COL3A1: variants seen among roughly 807,000 people sequenced by gnomAD.
The protein encoded by COL3A1 is collagen alpha-1(III) chain.
In COL3A1, 46 loss-of-function variants were observed where a neutral mutation model predicts 200.9. The observed-to-expected ratio is 0.23, with a 90% CI of 0.18 to 0.29. The LOEUF (loss-of-function observed/expected upper bound fraction) is 0.29, where lower values mean the gene tolerates loss of function less well. Ranked by LOEUF, COL3A1 falls within the 10% of genes least tolerant of loss-of-function variation. The pLI is 1.00. For missense variants in COL3A1, 1,367 were observed against 1,917.6 expected (o/e 0.71, Z 5.36); for synonymous variants, 650 against 628.0 (o/e 1.03, Z -0.52).
chr2:188,977,535 C>A (rs1472529552), intron 1 of COL3A1, among the ~76,000 whole-genome samples: 1 of 152,046 alleles, frequency 6.6e-6, no homozygotes, highest in Non-Finnish European at 1.5e-5. Flanking sequence ...GAAAAGGTTA[C>A]ATACATTTAG....
intron 1 of COL3A1, among the ~76,000 whole-genome samples, chr2:188,981,818 A>C (rs1165837222): frequency 6.6e-6 from 1 of 151,646 alleles, no homozygotes; most frequent in African/African-American, 2.4e-5. Context: ...TTTCAGTAGA[A>C]TATATTGCTA....
intron 5 of COL3A1, 124 bp from the exon 6 acceptor site, chr2:188,987,957 A>G (rs1688097648): frequency 1.3e-6 from 1 of 753,774 alleles, no homozygotes; most frequent in East Asian, 2.7e-5. Context: ...GTTATCAAAA[A>G]GTTATCAAAA....
intron 32 of COL3A1, 128 bp from the exon 33 acceptor site, chr2:189,001,269 C>A: frequency 2.4e-6 from 2 of 822,856 alleles, no homozygotes; most frequent in South Asian, 1.6e-5. Flanking sequence ...AGCATTCAAG[C>A]CATAAAAATT....
chr2:188,998,448 T>A, intron 28 of COL3A1, 129 bp downstream of exon 28: 1 of 986,682 alleles, frequency 1.0e-6, no homozygotes, highest in Non-Finnish European at 1.5e-6. Context: ...TGAAATATTA[T>A]CAAAACAAAG....
At position 189,011,857 on chromosome 2, in the gene COL3A1, G is replaced by A; in HGVS notation, c.*83G>A. Reference sequence around the variant, plus strand: ...GTTCTAATCTTGTCAACCAGTGCAAGTGACCGACAAAATTCCAGTTATTTA... The same window carrying A: ...GTTCTAATCTTGTCAACCAGTGCAAATGACCGACAAAATTCCAGTTATTTA... On this transcript the variant is annotated 3_prime_UTR_variant, in exon 51 of 51. Transcript: ENST00000304636. 1 of 1,472,194 alleles carries A rather than the reference G, an allele frequency of 6.8e-7. No homozygotes were observed. The highest frequency in any genetic ancestry group is 9.5e-7 in the Non-Finnish European group (1 of 1,057,096). 91.2% of individuals were successfully genotyped at this position (1,472,194 alleles called of 1,614,324 possible). A position where few individuals can be genotyped will look rare whatever the true frequency, so the allele number is the denominator to read the frequency against.
chr2:188,976,947 C>G (rs113585213), intron 1 of COL3A1, among the ~76,000 whole-genome samples: 2 of 152,200 alleles, frequency 1.3e-5, no homozygotes, highest in African/African-American at 2.4e-5. Flanking sequence ...TTATAATGAG[C>G]TTTAAAAAAT....
chr2:189,008,267 AC>A (rs2153504000), intron 47 of COL3A1, 125 bp downstream of exon 47: 1 of 820,544 alleles, frequency 1.2e-6, no homozygotes, highest in South Asian at 1.5e-5. Context: ...TAGAAACTGA[AC>A]AATGACTTTA....
Position 189,007,565 on chromosome 2 carries a change from A to C in COL3A1, c.3321A>C (p.Gly1107=). Residue 1107 remains glycine, a synonymous_variant, in exon 45 of 51, where the codon GGA becomes GGC. Transcript: ENST00000304636. ...AACGTGGAGCTGCTGGCATCAAAGGACATCGAGGATTCCCTGGTAATCCAG... is the reference window on the plus strand; with the variant it reads ...AACGTGGAGCTGCTGGCATCAAAGGCCATCGAGGATTCCCTGGTAATCCAG... ...TGERGAAGIK[G]HRGFPGNPGA... 1 of 1,613,788 alleles carries C rather than the reference A, an allele frequency of 6.2e-7. No individual in the cohort carries two copies. Among genetic ancestry groups the C allele is most frequent in the Non-Finnish European group, 8.5e-7 (1 of 1,179,836 alleles).
In COL3A1 at chr2:188,999,823, A is replaced by G; in HGVS notation, c.2230-19A>G. On this transcript the variant is annotated intron_variant, in intron 31 of 50. Coordinates refer to ENST00000304636, the MANE Select transcript of COL3A1 (RefSeq NM_000090.4). ...CTGAAGATACTTTGAATCTGATGACATTGGCTTTTATTTGACAGGGTGAAC... is the reference window on the plus strand; with the variant it reads ...CTGAAGATACTTTGAATCTGATGACGTTGGCTTTTATTTGACAGGGTGAAC... The G allele has an allele frequency of 3.8e-6, 6 of 1,589,924 alleles. No individual in the cohort carries two copies. Among genetic ancestry groups the G allele is most frequent in the South Asian group, 2.3e-5 (2 of 86,822 alleles).
intron 31 of COL3A1, 105 bp downstream of exon 31, chr2:188,999,682 T>G: frequency 7.1e-7 from 1 of 1,402,902 alleles, no homozygotes; most frequent in South Asian, 1.2e-5. Flanking sequence ...AAATTAATGT[T>G]ATCATTTTAT....
chr2:188,987,989 G>A, intron 5 of COL3A1, 92 bp from the exon 6 acceptor site: 1 of 966,282 alleles, frequency 1.0e-6, no homozygotes, highest in Admixed American at 1.8e-5. Context: ...GTTGTTCATA[G>A]TTTTAACAAT....
intron 47 of COL3A1, 73 bp from the exon 48 acceptor site, chr2:189,008,851 T>G: frequency 6.8e-7 from 1 of 1,461,412 alleles, no homozygotes; most frequent in Non-Finnish European, 9.6e-7. Context: ...GGCATTTTCT[T>G]GGACTAGCAA....
chr2:189,010,714 C>T lies in COL3A1; in HGVS notation c.4078C>T (p.Leu1360Phe), dbSNP rs1354735653. The change falls in exon 50 of 51, where the codon CTC becomes TTC. Residue 1360 changes from leucine to phenylalanine, a missense_variant. By Grantham distance (22) the Leu-to-Phe change is conservative (BLOSUM62 0). Coordinates refer to ENST00000304636, the MANE Select transcript of COL3A1 (RefSeq NM_000090.4). ...TGTGCATCTGGCATTCCTTCGACTT[C>T]TCTCCAGCCGAGCTTCCCAGAACAT... ...LDVHLAFLRL[L>F]SSRASQNITY... 6.2e-7 allele frequency: 1 copy of T among 1,614,154 alleles called. No individual in the cohort carries two copies. The highest frequency in any genetic ancestry group is 8.5e-7 in the Non-Finnish European group (1 of 1,180,000).
chr2:188,981,820 A>G (rs1687958733), intron 1 of COL3A1, among the ~76,000 whole-genome samples: 1 of 151,656 alleles, frequency 6.6e-6, no homozygotes, highest in African/African-American at 2.4e-5. Flanking sequence ...TCAGTAGAAT[A>G]TATTGCTAAC....
rs1045040851 is a variant in COL3A1, at chr2:189,007,589, A to G, written c.3345A>G (p.Pro1115=). The change falls in exon 45 of 51, where the codon CCA becomes CCG. Residue 1115 remains proline (P), a synonymous_variant. Coordinates refer to ENST00000304636, the MANE Select transcript of COL3A1 (RefSeq NM_000090.4). ...IKGHRGFPGN[P]GAPGSPGPAG... is the part of the protein sequence containing the mutation. ...GACATCGAGGATTCCCTGGTAATCC[A>G]GGTGCCCCAGGTTCTCCAGTAAGTG... The G allele has an allele frequency of 4.3e-6, 7 of 1,612,416 alleles. 1 individual carries two copies. The highest frequency in any genetic ancestry group is 5.9e-6 in the Non-Finnish European group (7 of 1,179,246).
chr2:188,987,287 G>C (rs1053639726), intron 5 of COL3A1, 148 bp downstream of exon 5: 2 of 699,068 alleles, frequency 2.9e-6, no homozygotes, highest in Admixed American at 4.2e-5. Context: ...GAAAATGGTA[G>C]CATTATCATG....
intron 8 of COL3A1, among the ~76,000 whole-genome samples, 158 bp downstream of exon 8, chr2:188,989,607 A>C (rs1259533216): frequency 6.6e-6 from 1 of 152,160 alleles, no homozygotes; most frequent in Non-Finnish European, 1.5e-5. Context: ...TTGAGTAGCT[A>C]TACAGTATTT....
At position 188,979,941 on chromosome 2, in the gene COL3A1, G is replaced by A. The variant is rs73047630; in HGVS notation, c.80-4819G>A. ...TCCTCATCTGTAAAATTAGGATTATGACAGCTGTAAGCTCATAAGGCCTTT... is the reference window on the plus strand; with the variant it reads ...TCCTCATCTGTAAAATTAGGATTATAACAGCTGTAAGCTCATAAGGCCTTT... On this transcript the variant is annotated intron_variant, in intron 1 of 50. Coordinates refer to ENST00000304636, the MANE Select transcript of COL3A1 (RefSeq NM_000090.4). Among the ~76,000 whole-genome samples the A allele has an allele frequency of 8.3e-3, 1,263 of 151,710 alleles. 10 individuals carry two copies. Among genetic ancestry groups the A allele is most frequent in the South Asian group, 0.033 (157 of 4,812 alleles).
At chr2:188,980,824 T>C (rs995999143) in intron 1 of COL3A1, among the ~76,000 whole-genome samples, 18 of 151,202 alleles carry the variant, frequency 1.2e-4, no homozygotes, top group African/African-American at 4.4e-4. Context: ...ATTATTTCAA[T>C]TGGAAACTAT....
Sources: gnomAD v4.1 joint callset for allele counts (sites outside exome capture counted in the v4.1 genomes callset) on GRCh38, gnomAD v4.1.1 for gene constraint, MANE v1.5 for transcripts, NCBI Gene and HGNC (gene_info 2026-07-23, HGNC 2026-07-21) for gene names.